The following SEC16A variants were observed in gnomAD, a reference collection of about 807,000 sequenced individuals.
SEC16A encodes protein transport protein Sec16A.
Under a neutral mutation model 221.9 loss-of-function variants are expected in SEC16A, and 110 were observed. That is an observed-to-expected ratio of 0.50 (90% CI 0.42 to 0.58). The LOEUF is 0.58. Among genes scored for constraint, SEC16A ranks in the 20% least tolerant of loss-of-function variants. The probability of loss-of-function intolerance (pLI) is 0.00; values close to 1 mark genes in which losing one functional copy is unlikely to be tolerated. For missense variants in SEC16A, 3,165 were observed against 3,097.8 expected (o/e 1.02, Z -0.52); for synonymous variants, 1,393 against 1,257.7 (o/e 1.11, Z -2.28).
At chr9:136,464,385 G>C (rs767967758) in intron 9 of SEC16A, 35 bp downstream of exon 9, 2 of 1,572,776 alleles carry the variant, frequency 1.3e-6, no homozygotes, top group Admixed American at 1.8e-5. Context: ...CAGGGCAGCA[G>C]AGCAGTGACG....
At chr9:136,457,400 T>C (rs1456965474) in intron 18 of SEC16A, 44 bp downstream of exon 18, 2 of 1,557,154 alleles carry the variant, frequency 1.3e-6, no homozygotes, top group South Asian at 1.2e-5. Flanking sequence ...CCTCCTTCCC[T>C]GCAGTCAGCA....
chr9:136,475,179 T>C lies in SEC16A; in HGVS notation c.2437A>G (p.Ser813Gly). ...LQSQASSGYASLLSSPPTESL... is the reference protein window; with the variant it reads ...LQSQASSGYAGLLSSPPTESL... ...TCAGTGGGCGGTGAGGATAATAAACTTGCATAACCAGAACTCGCCTGGGAC... is the reference window on the plus strand; with the variant it reads ...TCAGTGGGCGGTGAGGATAATAAACCTGCATAACCAGAACTCGCCTGGGAC... The change falls in exon 3 of 32, where the codon AGT becomes GGT. Residue 813 changes from serine (S) to glycine (G), a missense_variant. Transcript: ENST00000684901. This position sits in a 1 kb window ranked among gnomAD's most constrained non-coding sequence, Gnocchi z 5.0. 1 of 1,613,782 alleles carries C rather than the reference T, an allele frequency of 6.2e-7. No homozygotes were observed. The highest frequency in any genetic ancestry group is 8.5e-7 in the Non-Finnish European group (1 of 1,179,856).
At position 136,447,721 on chromosome 9, in the gene SEC16A, C is replaced by G. The variant is rs1421960676; in HGVS notation, c.6448-41G>C. ...CAGCTTCAGACACCCACTGTGTGCA[C>G]AGAAACCCACTGGGATGGCACAGTC... On this transcript the variant is annotated intron_variant, in intron 25 of 31. Coordinates refer to ENST00000684901, the MANE Select transcript of SEC16A (RefSeq NM_014866.2). This position sits in a 1 kb window ranked among gnomAD's most constrained non-coding sequence, Gnocchi z 5.5. The G allele has an allele frequency of 2.5e-6, 4 of 1,570,182 alleles. No homozygotes were observed. The Admixed American group carries it at 5.2e-5, about 20-fold the overall frequency.
intron 28 of SEC16A, among the ~76,000 whole-genome samples, 151 bp from the exon 29 acceptor site, chr9:136,445,870 C>T (rs1836904772): frequency 6.6e-6 from 1 of 152,220 alleles, no homozygotes; most frequent in African/African-American, 2.4e-5. Flanking sequence ...AAGTGCCTCA[C>T]ACGTGGGTCC....
chr9:136,453,958 C>T (rs1298674647), intron 21 of SEC16A, 151 bp downstream of exon 21: 18 of 757,588 alleles, frequency 2.4e-5, no homozygotes, highest in Non-Finnish European at 4.0e-5. Context: ...TGAACCCATC[C>T]AGTCTGTAAC....
intron 31 of SEC16A, among the ~76,000 whole-genome samples, chr9:136,443,224 G>A (rs1369744077): frequency 8.2e-6 from 1 of 122,098 alleles, no homozygotes; most frequent in East Asian, 2.0e-4. Context: ...GGAGGGCCTC[G>A]TGTCGACAGA....
chr9:136,453,571 G>T, intron 21 of SEC16A, 61 bp from the exon 22 acceptor site: 1 of 1,374,356 alleles, frequency 7.3e-7, no homozygotes, highest in Non-Finnish European at 1.0e-6. Flanking sequence ...CGTGTGTGTG[G>T]CGCACAGATC....
upstream of SEC16A, chr9:136,483,656 C>T (rs1331583338): frequency 2.0e-6 from 2 of 985,474 alleles, no homozygotes; most frequent in Non-Finnish European, 1.2e-6. Flanking sequence ...AGGCCACAAG[C>T]GGGAAATCAG....
intron 30 of SEC16A, among the ~76,000 whole-genome samples, chr9:136,444,534 A>G (rs1293281025): frequency 6.6e-6 from 1 of 152,190 alleles, no homozygotes; most frequent in Non-Finnish European, 1.5e-5. Flanking sequence ...GAACCCACTC[A>G]TTGACTAGGA....
At chr9:136,472,581 G>A (rs2132754990) in intron 3 of SEC16A, among the ~76,000 whole-genome samples, 1 of 152,360 alleles carries the variant, frequency 6.6e-6, no homozygotes, top group South Asian at 2.1e-4. Flanking sequence ...CAGGGTCCCA[G>A]TGAACAGAGC....
rs1836181235 is a variant in SEC16A at position 136,441,499 on chromosome 9, G to C, written c.*256C>G. The C allele has an allele frequency of 5.5e-6, 3 of 547,610 alleles. No homozygotes were observed. The highest frequency in any genetic ancestry group is 9.9e-6 in the Non-Finnish European group (3 of 302,766). The allele number at this position is 547,610 out of a possible 1,614,324, so 33.9% of individuals were successfully genotyped here. ...TAAATCATCCTAAATGACTAAGAAA[G>C]TCACATCATTCTTTTCGGCAAACAA... On this transcript the variant is annotated 3_prime_UTR_variant, in exon 32 of 32. Transcript: ENST00000684901.
At position 136,466,004 on chromosome 9, in the gene SEC16A, A is replaced by T. The variant is rs752753683; in HGVS notation, c.4261T>A (p.Tyr1421Asn). 1 of 1,613,476 alleles carries T rather than the reference A, an allele frequency of 6.2e-7. No individual in the cohort carries two copies. Among genetic ancestry groups the T allele is most frequent in the Non-Finnish European group, 8.5e-7 (1 of 1,179,858 alleles). Residue 1421 changes from tyrosine (Y) to asparagine (N), a missense_variant, in exon 8 of 32, where the codon TAT becomes AAT. Coordinates refer to ENST00000684901, the MANE Select transcript of SEC16A (RefSeq NM_014866.2). This position sits in a 1 kb window ranked among gnomAD's most constrained non-coding sequence, Gnocchi z 5.5. ...NFSSGPGFPE[Y>N]GYPADTVWPA... is the part of the protein sequence containing the mutation. ...CAGACGGTGTCGGCAGGGTAGCCAT[A>T]CTCTGGGAAGCCGGGGCCACTGCTG...
In SEC16A at chr9:136,463,474, T is replaced by C; in HGVS notation, c.4636A>G (p.Arg1546Gly). The C allele has an allele frequency of 6.2e-7, 1 of 1,613,508 alleles. No individual in the cohort carries two copies. Among genetic ancestry groups the C allele is most frequent in the Non-Finnish European group, 8.5e-7 (1 of 1,179,706 alleles). ...LLWNFIVLLC[R>G]QNGTVVGTDI... ...AGAAAGAAACATACCCCATTTTGTC[T>C]GCATAAGAGAACAATAAAATTCCAA... The change falls in exon 11 of 32, where the codon AGA (arginine) becomes GGA (glycine). Residue 1546 changes from arginine to glycine, a missense_variant. Arg to Gly is a moderately radical substitution (Grantham distance 125). This residue lies in a region of SEC16A where 1,088 missense variants were observed against 1,089.6 expected (regional missense o/e 1.00). Coordinates refer to ENST00000684901, the MANE Select transcript of SEC16A (RefSeq NM_014866.2).
chr9:136,449,369 C>T (rs1219231136), intron 23 of SEC16A, among the ~76,000 whole-genome samples: 1 of 152,244 alleles, frequency 6.6e-6, no homozygotes, highest in African/African-American at 2.4e-5. Flanking sequence ...TATGCCTCAA[C>T]CTCCTGAGTA....
chr9:136,464,403 T>C lies in SEC16A; in HGVS notation c.4446+17A>G, dbSNP rs752381489. On this transcript the variant is annotated intron_variant, in intron 9 of 31. Transcript: ENST00000684901. ...GGCAGCAGAGCAGTGACGCCACGCT[T>C]CTGCGTGTGCCATTACCTCCATGCT... The C allele has an allele frequency of 5.0e-6, 8 of 1,590,224 alleles. No homozygotes were observed. The highest frequency in any genetic ancestry group is 8.6e-7 in the Non-Finnish European group (1 of 1,161,576).
Position 136,474,690 on chromosome 9 carries a change from G to A in SEC16A, c.2926C>T (p.Pro976Ser). 1 of 1,613,770 alleles carries A rather than the reference G, an allele frequency of 6.2e-7. No homozygotes were observed. The highest frequency in any genetic ancestry group is 8.5e-7 in the Non-Finnish European group (1 of 1,179,894). Residue 976 changes from proline to serine, a missense_variant, in exon 3 of 32, where the codon CCT becomes TCT. By Grantham distance (74) the Pro-to-Ser change is moderately conservative. Coordinates refer to ENST00000684901, the MANE Select transcript of SEC16A (RefSeq NM_014866.2). ...GAATGGTTTGCCTTATTACCATCAGGCACCAGGGTGCCGTGTGCAGGTGGA... is the reference window on the plus strand; with the variant it reads ...GAATGGTTTGCCTTATTACCATCAGACACCAGGGTGCCGTGTGCAGGTGGA... ...LVPPAHGTLV[P>S]DGNKANHSSH...
In SEC16A at chr9:136,475,002, T is replaced by G. The variant is rs377592558; in HGVS notation, c.2614A>C (p.Ser872Arg). 8 of 1,612,778 alleles carry G rather than the reference T, an allele frequency of 5.0e-6. No individual in the cohort carries two copies. The highest frequency in any genetic ancestry group is 5.9e-6 in the Non-Finnish European group (7 of 1,179,670). The change falls in exon 3 of 32, where the codon AGT becomes CGT. Residue 872 changes from serine (S) to arginine (R), a missense_variant. Physicochemically the swap from Ser to Arg is moderately radical, Grantham distance 110 (BLOSUM62 -1). Transcript: ENST00000684901. This position sits in a 1 kb window ranked among gnomAD's most constrained non-coding sequence, Gnocchi z 5.0. ...ALVGDRPAVS[S>R]WALGGDSGEN... ...CCAGAATCACCACCGAGAGCCCAACTGCTGACTGCAGGTCTATCCCCCACC... is the reference window on the plus strand; with the variant it reads ...CCAGAATCACCACCGAGAGCCCAACGGCTGACTGCAGGTCTATCCCCCACC...
At chr9:136,483,666 G>T (rs1464094013), upstream of SEC16A, 1 of 985,612 alleles carries the variant, frequency 1.0e-6, no homozygotes, top group Non-Finnish European at 1.2e-6. Flanking sequence ...CGGGAAATCA[G>T]TCTGCAGGAC....
In SEC16A at chr9:136,474,585, G is replaced by A. The variant is rs768738608; in HGVS notation, c.3031C>T (p.Pro1011Ser). The stretch of plus-strand genomic sequence containing the variant: ...GAAGCGAGGCTGTCAGAATGGGACG[G>A]GTTGTACACGTTTACAGGATTTTCC... Reference protein sequence around the residue: ...TLENPVNVYNPSHSDSLASQQ... With the variant: ...TLENPVNVYNSSHSDSLASQQ... The change falls in exon 3 of 32, where the codon CCG (proline) becomes TCG (serine). Residue 1011 changes from proline (P) to serine (S), a missense_variant. Around this residue, in one of 3 missense-constraint regions of SEC16A, gnomAD observed 2,030 missense variants for 1,923.1 expected, o/e 1.06. Coordinates refer to ENST00000684901, the MANE Select transcript of SEC16A (RefSeq NM_014866.2). The A allele has an allele frequency of 1.2e-6, 2 of 1,612,800 alleles. No homozygotes were observed. Among genetic ancestry groups the A allele is most frequent in the African/African-American group, 2.7e-5 (2 of 74,948 alleles).
Sources: allele counts gnomAD v4.1 joint callset (sites outside exome capture counted in the v4.1 genomes callset), GRCh38; gene constraint gnomAD v4.1.1; regional missense constraint gnomAD v4.1.1; non-coding constraint Gnocchi (gnomAD v3.1); transcripts MANE v1.5; gene names NCBI Gene and HGNC (gene_info 2026-07-23, HGNC 2026-07-21).